LPP: variants seen among roughly 807,000 people sequenced by gnomAD.
The protein encoded by LPP is lipoma-preferred partner.
LPP carries 38 observed loss-of-function variants against 60.4 expected under a neutral mutation model. The ratio of observed to expected loss-of-function variants is 0.63; its 90% CI spans 0.49 to 0.83. The LOEUF (loss-of-function observed/expected upper bound fraction) is 0.83. Ranked by LOEUF, LPP falls within the 40% of genes least tolerant of loss-of-function variation. The probability of loss-of-function intolerance (pLI) is 0.00; values close to 1 mark genes in which losing one functional copy is unlikely to be tolerated. For missense variants in LPP, 902 were observed against 783.6 expected (o/e 1.15, Z -1.80); for synonymous variants, 328 against 290.8 (o/e 1.13, Z -1.30).
chr3:188,790,248 G>A (rs778011628), intron 9 of LPP, among the ~76,000 whole-genome samples: 4 of 152,004 alleles, frequency 2.6e-5, no homozygotes, highest in Admixed American at 6.6e-5. Context: ...AACTATTTTA[G>A]GAAAAAACAA....
intron 8 of LPP, among the ~76,000 whole-genome samples, chr3:188,724,344 A>C (rs1037539265): frequency 1.3e-5 from 2 of 152,232 alleles, no homozygotes; most frequent in South Asian, 4.1e-4. Context: ...TTAGACTCAC[A>C]GGATCTGTGC....
At chr3:188,476,974 T>C (rs1172036935) in intron 4 of LPP, among the ~76,000 whole-genome samples, 6 of 152,230 alleles carry the variant, frequency 3.9e-5, no homozygotes, top group Non-Finnish European at 8.8e-5. Context: ...AGTTTCACGC[T>C]GTAGAAACGG....
chr3:188,890,469 T>G lies in LPP; in HGVS notation c.*15990T>G. Reference sequence around the variant, plus strand: ...ATAAAATCTGTTATAAGCAAGTGATTTAGGTATTTTCTTTTGTGTTTATGC... The same window carrying G: ...ATAAAATCTGTTATAAGCAAGTGATGTAGGTATTTTCTTTTGTGTTTATGC... On this transcript the variant is annotated 3_prime_UTR_variant, in exon 12 of 12. Transcript: ENST00000617246. The G allele has an allele frequency of 5.1e-6, 1 of 194,522 alleles. No individual in the cohort carries two copies. Among genetic ancestry groups the G allele is most frequent in the South Asian group, 1.9e-4 (1 of 5,192 alleles). The allele number at this position is 194,522 out of a possible 1,614,324, so 12.0% of individuals were successfully genotyped here.
intron 3 of LPP, among the ~76,000 whole-genome samples, chr3:188,387,902 A>T (rs552774436): frequency 1.8e-4 from 25 of 139,242 alleles, no homozygotes; most frequent in African/African-American, 6.5e-4. Context: ...CTATCTATTG[A>T]TGACTTGTTT....
At chr3:188,773,574 A>G (rs1006179391) in intron 9 of LPP, among the ~76,000 whole-genome samples, 1 of 152,212 alleles carries the variant, frequency 6.6e-6, no homozygotes, top group African/African-American at 2.4e-5. Context: ...CTTCCTCAGA[A>G]GTTATTTTTA....
chr3:188,340,515 C>G (rs1027173349), intron 2 of LPP, among the ~76,000 whole-genome samples: 1 of 148,476 alleles, frequency 6.7e-6, no homozygotes, highest in Admixed American at 6.8e-5. Context: ...TTTATCAAAA[C>G]TTCCTAGAAG....
intron 3 of LPP, among the ~76,000 whole-genome samples, chr3:188,383,272 A>G (rs1023537792): frequency 6.6e-6 from 1 of 152,198 alleles, no homozygotes; most frequent in Non-Finnish European, 1.5e-5. Context: ...GTTCCTAGAC[A>G]TAATCAGGAA....
chr3:188,160,602 A>T (rs1193120235), intron 1 of LPP, among the ~76,000 whole-genome samples: 4 of 152,170 alleles, frequency 2.6e-5, no homozygotes, highest in Non-Finnish European at 5.9e-5. Flanking sequence ...TCAATATCAA[A>T]ATCTACCTTG....
chr3:188,568,892 G>T (rs981818038), intron 6 of LPP: 1 of 152,064 alleles, frequency 6.6e-6, no homozygotes, highest in Non-Finnish European at 1.5e-5. Context: ...GGGCCTGAAG[G>T]GTGGAGAGGG....
At chr3:188,653,614 T>G (rs1852532105) in intron 7 of LPP, among the ~76,000 whole-genome samples, 1 of 152,166 alleles carries the variant, frequency 6.6e-6, no homozygotes, top group South Asian at 2.1e-4. Flanking sequence ...AAAAATATTT[T>G]TTACTAAATG....
chr3:188,552,760 T>C (rs1344223526), intron 6 of LPP, among the ~76,000 whole-genome samples: 1 of 152,226 alleles, frequency 6.6e-6, no homozygotes, highest in Non-Finnish European at 1.5e-5. Flanking sequence ...AGAACTCATG[T>C]GATTAGATGA....
At chr3:188,375,417 C>G (rs569632326) in intron 3 of LPP, among the ~76,000 whole-genome samples, 97 of 152,278 alleles carry the variant, frequency 6.4e-4, no homozygotes, top group African/African-American at 2.1e-3. Context: ...GATTCAGCTT[C>G]TTCCTTGTTT....
In LPP at chr3:188,708,404, C is replaced by T. The variant is rs769460454; in HGVS notation, c.1240+11C>T. 6.2e-7 allele frequency: 1 copy of T among 1,614,146 alleles called. No homozygotes were observed. Among genetic ancestry groups the T allele is most frequent in the South Asian group, 1.1e-5 (1 of 91,080 alleles). On this transcript the variant is annotated intron_variant, in intron 8 of 11. Transcript: ENST00000617246. ...CTGACGAATACTTTGGTGAGTGGGG[C>T]CTAGAGCTGACTTCTGAAGTAACTA...
intron 9 of LPP, among the ~76,000 whole-genome samples, chr3:188,771,625 G>C (rs1577449865): frequency 6.6e-6 from 1 of 151,880 alleles, no homozygotes; most frequent in South Asian, 2.1e-4. Flanking sequence ...TGAAAGTACT[G>C]TTTCTTAGCT....
chr3:188,296,518 A>T (rs1254039499), intron 2 of LPP, among the ~76,000 whole-genome samples: 5 of 152,214 alleles, frequency 3.3e-5, no homozygotes, highest in African/African-American at 7.2e-5. Flanking sequence ...TAGGAGGCTG[A>T]TTGAAACTGA....
chr3:188,822,267 A>T (rs775102299), intron 9 of LPP, among the ~76,000 whole-genome samples: 1 of 151,952 alleles, frequency 6.6e-6, no homozygotes, highest in African/African-American at 2.4e-5. Context: ...AGCATGTAAA[A>T]ACTCTCTTCT....
intron 2 of LPP, among the ~76,000 whole-genome samples, chr3:188,260,728 AGTT>A (rs1212117319): frequency 2.0e-5 from 3 of 152,016 alleles, no homozygotes; most frequent in Non-Finnish European, 4.4e-5. Context: ...GAGGAACCGA[AGTT>A]TAAAAAGAAA....
intron 10 of LPP, among the ~76,000 whole-genome samples, chr3:188,872,349 G>T (rs1000753234): frequency 2.0e-5 from 3 of 152,204 alleles, no homozygotes; most frequent in African/African-American, 7.2e-5. Flanking sequence ...CACAGGGTTT[G>T]CATTCAGAAT....
At chr3:188,870,230 G>A (rs1355619867) in intron 10 of LPP, among the ~76,000 whole-genome samples, 1 of 151,990 alleles carries the variant, frequency 6.6e-6, no homozygotes, top group Non-Finnish European at 1.5e-5. Flanking sequence ...ATAAGGATTT[G>A]TATATATAAA....
Sources: gnomAD v4.1 joint callset for allele counts (sites outside exome capture counted in the v4.1 genomes callset) on GRCh38, gnomAD v4.1.1 for gene constraint, MANE v1.5 for transcripts, NCBI Gene and HGNC (gene_info 2026-07-23, HGNC 2026-07-21) for gene names.